MARCHF1: variants seen among roughly 807,000 people sequenced by gnomAD.
MARCHF1 encodes the protein membrane associated ring-CH-type finger 1, also known as E3 ubiquitin-protein ligase MARCHF1.
MARCHF1 carries 40 observed loss-of-function variants against 54.2 expected under a neutral mutation model. The ratio of observed to expected loss-of-function variants is 0.74; its 90% CI spans 0.57 to 0.96. The LOEUF (loss-of-function observed/expected upper bound fraction) is 0.96. Ranked by LOEUF, MARCHF1 falls within the 40% of genes least tolerant of loss-of-function variation. The probability of loss-of-function intolerance (pLI) is 0.00; values close to 1 mark genes in which losing one functional copy is unlikely to be tolerated. For missense variants in MARCHF1, 586 were observed against 656.5 expected, an observed-to-expected ratio of 0.89 and a Z score of 1.17; for synonymous variants, 236 against 236.3, an observed-to-expected ratio of 1.00 and a Z score of 0.01.
chr4:163,659,120 G>A (rs1743254696), intron 5 of MARCHF1, among the ~76,000 whole-genome samples: 1 of 151,716 alleles, frequency 6.6e-6, no homozygotes, highest in Non-Finnish European at 1.5e-5. Flanking sequence ...TTCTTGTTCT[G>A]CTCTTCCTCA....
chr4:163,971,997 A>G (rs1197105927), intron 3 of MARCHF1, among the ~76,000 whole-genome samples: 1 of 152,228 alleles, frequency 6.6e-6, no homozygotes, highest in Non-Finnish European at 1.5e-5. Context: ...GCACATATAC[A>G]CCATAGAATA....
intron 1 of MARCHF1, among the ~76,000 whole-genome samples, chr4:164,279,498 A>G (rs1018191674): frequency 5.2e-4 from 79 of 151,664 alleles, no homozygotes; most frequent in African/African-American, 1.8e-3. Context: ...TAAAATTTAA[A>G]TGTTTATAAA....
chr4:163,829,606 T>C (rs1286698975), intron 4 of MARCHF1, among the ~76,000 whole-genome samples: 1 of 152,182 alleles, frequency 6.6e-6, no homozygotes, highest in Non-Finnish European at 1.5e-5. Flanking sequence ...GCACGCAGGC[T>C]CAGGGTAAAA....
In MARCHF1 at chr4:163,527,083, G is replaced by C. The variant is rs1479058562; in HGVS notation, c.*1665C>G. Reference sequence around the variant, plus strand: ...TGCTTTGGTTCTTATGGCCATCATTGCCTTTTCATGTTAATAAATAATGAC... The same window carrying C: ...TGCTTTGGTTCTTATGGCCATCATTCCCTTTTCATGTTAATAAATAATGAC... On this transcript the variant is annotated 3_prime_UTR_variant, in exon 10 of 10. Transcript: ENST00000514618. The C allele has an allele frequency of 6.6e-6, 1 of 151,708 alleles. No individual in the cohort carries two copies. The highest frequency in any genetic ancestry group is 1.5e-5 in the Non-Finnish European group (1 of 67,882). The allele number at this position is 151,708 out of a possible 1,614,324, so 9.4% of individuals were successfully genotyped here.
chr4:164,136,874 G>A (rs1166311558), intron 1 of MARCHF1, among the ~76,000 whole-genome samples: 1 of 152,204 alleles, frequency 6.6e-6, no homozygotes, highest in African/African-American at 2.4e-5. Flanking sequence ...TGGAAGAGAA[G>A]AGGGGTAGGA....
chr4:163,838,975 A>G (rs1749265013), intron 4 of MARCHF1, among the ~76,000 whole-genome samples: 1 of 152,096 alleles, frequency 6.6e-6, no homozygotes, highest in Admixed American at 6.5e-5. Context: ...CAACCCATAA[A>G]CTAAAAGAAA....
intron 3 of MARCHF1, chr4:163,932,441 T>C (rs1444461412): frequency 1.3e-5 from 5 of 387,562 alleles, no homozygotes; most frequent in Non-Finnish European, 2.0e-5. Flanking sequence ...TTCTAAATCC[T>C]TTGTTGTCAT....
intron 1 of MARCHF1, among the ~76,000 whole-genome samples, chr4:164,287,602 G>A (rs548002565): frequency 3.2e-4 from 49 of 151,698 alleles, no homozygotes; most frequent in Non-Finnish European, 5.7e-4. Context: ...TAACCCTTCC[G>A]TCAGACTGAG....
intron 5 of MARCHF1, among the ~76,000 whole-genome samples, chr4:163,637,764 A>T (rs1317809550): frequency 6.6e-6 from 1 of 151,872 alleles, no homozygotes; most frequent in Non-Finnish European, 1.5e-5. Flanking sequence ...AAGGACTATA[A>T]ATCATGCTGC....
chr4:163,693,010 C>T (rs928845684), intron 5 of MARCHF1, among the ~76,000 whole-genome samples: 1 of 151,460 alleles, frequency 6.6e-6, no homozygotes, highest in Non-Finnish European at 1.5e-5. Context: ...CGTTAATATA[C>T]AATCATGGTC....
intron 3 of MARCHF1, among the ~76,000 whole-genome samples, chr4:163,898,545 G>T (rs907241981): frequency 6.6e-6 from 1 of 152,192 alleles, no homozygotes; most frequent in African/African-American, 2.4e-5. Context: ...AGATGTTGGT[G>T]AGGATGCAGA....
intron 2 of MARCHF1, among the ~76,000 whole-genome samples, chr4:164,045,108 A>G (rs188579147): frequency 6.6e-6 from 1 of 152,288 alleles, no homozygotes; most frequent in East Asian, 1.9e-4. Context: ...AACTAAAAAA[A>G]TTAAGATATT....
intron 1 of MARCHF1, among the ~76,000 whole-genome samples, chr4:164,224,356 G>T (rs1326216901): frequency 6.6e-6 from 1 of 151,714 alleles, no homozygotes; most frequent in Non-Finnish European, 1.5e-5. Context: ...CAAAAAATTG[G>T]ACATCCCTGA....
intron 1 of MARCHF1, among the ~76,000 whole-genome samples, chr4:164,329,442 G>A (rs570618234): frequency 3.9e-5 from 6 of 151,906 alleles, no homozygotes; most frequent in Admixed American, 2.0e-4. Flanking sequence ...ATGAAAAGAC[G>A]GAAAAAAAAG....
At chr4:163,681,080 G>A (rs917154079) in intron 5 of MARCHF1, among the ~76,000 whole-genome samples, 1 of 151,562 alleles carries the variant, frequency 6.6e-6, no homozygotes, top group African/African-American at 2.4e-5. Flanking sequence ...TTAGATGAAT[G>A]CTAACCAGAT....
At chr4:163,534,735 C>G (rs1309151864) in intron 9 of MARCHF1, among the ~76,000 whole-genome samples, 1 of 152,012 alleles carries the variant, frequency 6.6e-6, no homozygotes, top group African/African-American at 2.4e-5. Context: ...TCCATGGTCC[C>G]TTTCTCCTAT....
intron 4 of MARCHF1, among the ~76,000 whole-genome samples, chr4:163,733,138 C>T (rs1392383699): frequency 8.5e-6 from 1 of 117,322 alleles, no homozygotes; most frequent in African/African-American, 3.3e-5. Flanking sequence ...GGTGACAGAG[C>T]AAGACTCCAT....
At chr4:163,565,497 C>T (rs1739616722) in intron 8 of MARCHF1, among the ~76,000 whole-genome samples, 1 of 152,106 alleles carries the variant, frequency 6.6e-6, no homozygotes, top group Non-Finnish European at 1.5e-5. Context: ...GTCAAGATTG[C>T]AAACAATCTA....
chr4:164,265,873 A>G (rs1733598158), intron 1 of MARCHF1, among the ~76,000 whole-genome samples: 1 of 152,180 alleles, frequency 6.6e-6, no homozygotes, highest in East Asian at 1.9e-4. Context: ...AGGCTTCCCT[A>G]ACTGCCTCCC....
Sources: allele counts gnomAD v4.1 joint callset (sites outside exome capture counted in the v4.1 genomes callset), GRCh38; gene constraint gnomAD v4.1.1; transcripts MANE v1.5; gene names NCBI Gene and HGNC (gene_info 2026-07-23, HGNC 2026-07-21).